LASP1: variants seen among roughly 807,000 people sequenced by gnomAD.
LASP1 encodes the protein LIM and SH3 domain protein 1.
LASP1 carries 10 observed loss-of-function variants against 38.6 expected under a neutral mutation model. That is an observed-to-expected ratio of 0.26 (90% CI 0.16 to 0.44). The LOEUF is 0.44. LASP1 is among the 20% of genes least tolerant of loss of function. LASP1 has a pLI of 1.00. For synonymous variants in LASP1, 132 were observed against 140.8 expected (o/e 0.94, Z 0.44); for missense variants, 243 against 375.7 (o/e 0.65, Z 2.92).
chr17:38,895,878 T>C (rs12940572), intron 3 of LASP1, among the ~76,000 whole-genome samples: 93,643 of 152,094 alleles, frequency 0.62, 29,427 homozygotes, highest in Middle Eastern at 0.69. Flanking sequence ...CAGTCAGTCC[T>C]GGGCCTGACA....
intron 4 of LASP1, among the ~76,000 whole-genome samples, chr17:38,905,618 C>T (rs543221807): frequency 5.3e-4 from 81 of 152,056 alleles, no homozygotes; most frequent in African/African-American, 1.8e-3. Flanking sequence ...ATTTACCCTC[C>T]CACCAGCAGA....
At chr17:38,876,847 C>T (rs917455165) in intron 1 of LASP1, among the ~76,000 whole-genome samples, 10 of 151,950 alleles carry the variant, frequency 6.6e-5, no homozygotes, top group Non-Finnish European at 4.4e-5. Flanking sequence ...GGACTACAGG[C>T]ACCCGCCACC....
At chr17:38,880,118 G>A (rs962917524) in intron 2 of LASP1, among the ~76,000 whole-genome samples, 1 of 152,182 alleles carries the variant, frequency 6.6e-6, no homozygotes, top group Non-Finnish European at 1.5e-5. Context: ...AGTGGGGTGG[G>A]GTTCAGAGAA....
chr17:38,892,798 C>T (rs945888882), intron 3 of LASP1, among the ~76,000 whole-genome samples: 1 of 152,216 alleles, frequency 6.6e-6, no homozygotes, highest in Non-Finnish European at 1.5e-5. Flanking sequence ...CAGGGGAAGC[C>T]AGCACCACGC....
Position 38,885,697 on chromosome 17 carries a change from G to A in LASP1, c.165-4723G>A, listed in dbSNP as rs78749403. On this transcript the variant is annotated intron_variant, in intron 2 of 6. Coordinates refer to ENST00000318008, the MANE Select transcript of LASP1 (RefSeq NM_006148.4). ...GTCTGTCATGGGGTTGGGTTCCAGC[G>A]GAGTCACCAGCTGGGACGGGTGGCC... is the stretch of plus-strand genomic sequence containing the variant. Among the ~76,000 whole-genome samples the A allele has an allele frequency of 3.2e-3, 488 of 152,326 alleles. 1 individual carries two copies. Among genetic ancestry groups the A allele is most frequent in the African/African-American group, 0.011 (461 of 41,562 alleles).
At chr17:38,900,887 C>T (rs146112182) in intron 4 of LASP1, among the ~76,000 whole-genome samples, 6 of 152,194 alleles carry the variant, frequency 3.9e-5, no homozygotes, top group East Asian at 1.9e-4. Context: ...CCTGGCCTCA[C>T]GCCCTGGAGC....
chr17:38,876,869 ATTT>A (rs1011196895), intron 1 of LASP1, among the ~76,000 whole-genome samples: 1 of 151,518 alleles, frequency 6.6e-6, no homozygotes, highest in Non-Finnish European at 1.5e-5. Context: ...CGCCTGGCTA[ATTT>A]TTTTGTCTTT....
At chr17:38,871,909 ATGTACC>A (rs1450974040) in intron 1 of LASP1, among the ~76,000 whole-genome samples, 4 of 152,140 alleles carry the variant, frequency 2.6e-5, no homozygotes, top group African/African-American at 4.8e-5. Flanking sequence ...CCCCTTGAGA[ATGTACC>A]TGTCCTTGCA....
At chr17:38,882,590 C>T (rs1046805871) in intron 2 of LASP1, among the ~76,000 whole-genome samples, 2 of 152,182 alleles carry the variant, frequency 1.3e-5, no homozygotes, top group Admixed American at 6.5e-5. Flanking sequence ...TGAGCCTGCT[C>T]TTGGTGAGAG....
At chr17:38,909,042 G>A (rs1483021798) in intron 4 of LASP1, among the ~76,000 whole-genome samples, 1 of 151,566 alleles carries the variant, frequency 6.6e-6, no homozygotes, top group Non-Finnish European at 1.5e-5. Context: ...AGGCAGGCCA[G>A]CATTCTAGGG....
At chr17:38,896,691 G>C (rs1211890572) in intron 3 of LASP1, among the ~76,000 whole-genome samples, 1 of 152,208 alleles carries the variant, frequency 6.6e-6, no homozygotes, top group African/African-American at 2.4e-5. Flanking sequence ...GCCACTGTCT[G>C]TATCGTGGGT....
chr17:38,886,199 C>T (rs1032817907), intron 2 of LASP1, among the ~76,000 whole-genome samples: 4 of 151,966 alleles, frequency 2.6e-5, no homozygotes, highest in African/African-American at 4.8e-5. Flanking sequence ...TGCTGCTCTC[C>T]TGCCTGGAGC....
rs553473731 is a variant in LASP1 at position 38,913,455 on chromosome 17, A to T, written c.358-870A>T. Reference sequence around the variant, plus strand: ...ACACAAGAGGTGGAATCGCCTGTTGATGAAGAGCAAGGCTCTGGAATCTGT... The same window carrying T: ...ACACAAGAGGTGGAATCGCCTGTTGTTGAAGAGCAAGGCTCTGGAATCTGT... On this transcript the variant is annotated intron_variant, in intron 4 of 6. Coordinates refer to ENST00000318008, the MANE Select transcript of LASP1 (RefSeq NM_006148.4). Among the ~76,000 whole-genome samples, 14 of 152,280 alleles carry T rather than the reference A, an allele frequency of 9.2e-5. No homozygotes were observed. In the South Asian group the frequency reaches 2.5e-3, roughly 27 times the overall value.
chr17:38,890,309 G>A, intron 2 of LASP1, 111 bp from the exon 3 acceptor site: 1 of 949,658 alleles, frequency 1.1e-6, no homozygotes, highest in South Asian at 1.4e-5. Context: ...GCCGGGCCAG[G>A]GCGTGCCCAA....
chr17:38,890,550 G>C (rs766351023), intron 3 of LASP1, 46 bp downstream of exon 3: 1 of 1,563,626 alleles, frequency 6.4e-7, no homozygotes, highest in South Asian at 1.1e-5. Flanking sequence ...GGGATGCTGG[G>C]GAGGGAAGTT....
chr17:38,908,086 C>G (rs1314877547), intron 4 of LASP1, among the ~76,000 whole-genome samples: 2 of 152,202 alleles, frequency 1.3e-5, no homozygotes, highest in Non-Finnish European at 2.9e-5. Flanking sequence ...GGCTCCCTGT[C>G]ACCCCATCGC....
intron 4 of LASP1, among the ~76,000 whole-genome samples, chr17:38,906,253 C>T (rs1338693761): frequency 1.3e-5 from 2 of 151,888 alleles, no homozygotes; most frequent in African/African-American, 4.8e-5. Flanking sequence ...TGAGGCCAGG[C>T]GCGGTGGCTC....
intron 4 of LASP1, among the ~76,000 whole-genome samples, chr17:38,902,507 G>A (rs953572982): frequency 9.5e-4 from 144 of 151,748 alleles, no homozygotes; most frequent in African/African-American, 3.3e-3. Flanking sequence ...ACTGCGCCTG[G>A]GAGCTTTAAA....
intron 4 of LASP1, among the ~76,000 whole-genome samples, chr17:38,908,621 G>C (rs1431603409): frequency 6.6e-6 from 1 of 152,196 alleles, no homozygotes; most frequent in Admixed American, 6.5e-5. Context: ...GGAGGGGGCC[G>C]GGAAAGGAGG....
Sources: gnomAD v4.1 joint callset for allele counts (sites outside exome capture counted in the v4.1 genomes callset) on GRCh38, gnomAD v4.1.1 for gene constraint, MANE v1.5 for transcripts, NCBI Gene and HGNC (gene_info 2026-07-23, HGNC 2026-07-21) for gene names.